TASP1: variants seen among roughly 807,000 people sequenced by gnomAD.
TASP1 encodes threonine aspartase 1.
A neutral mutation model predicts 56.6 loss-of-function variants in TASP1; 16 were observed. That is an observed-to-expected ratio of 0.28 (90% confidence interval 0.19 to 0.43). The LOEUF (loss-of-function observed/expected upper bound fraction) is 0.43, where lower values mean the gene tolerates loss of function less well. Ranked by LOEUF, TASP1 falls within the 20% of genes least tolerant of loss-of-function variation. TASP1 has a pLI of 1.00. For missense variants in TASP1, 393 were observed against 511.6 expected, an observed-to-expected ratio of 0.77 and a Z score of 2.24; for synonymous variants, 179 against 184.2, an observed-to-expected ratio of 0.97 and a Z score of 0.23.
intron 13 of TASP1, among the ~76,000 whole-genome samples, chr20:13,400,450 TG>T (rs906890388): frequency 6.6e-6 from 1 of 152,128 alleles, no homozygotes. Context: ...AAAGAATTAT[TG>T]GGGTTCTAAT....
intron 11 of TASP1, among the ~76,000 whole-genome samples, chr20:13,448,662 G>C (rs77664663): frequency 6.6e-6 from 1 of 152,016 alleles, no homozygotes; most frequent in Non-Finnish European, 1.5e-5. Flanking sequence ...AATTTAAAAG[G>C]ATCGCTTATG....
intron 11 of TASP1, among the ~76,000 whole-genome samples, chr20:13,478,201 T>C (rs2043009381): frequency 6.6e-6 from 1 of 152,090 alleles, no homozygotes; most frequent in African/African-American, 2.4e-5. Flanking sequence ...CCGCAATTAT[T>C]TTTGCACCAA....
At chr20:13,402,936 T>C (rs1359503243) in intron 13 of TASP1, among the ~76,000 whole-genome samples, 1 of 152,196 alleles carries the variant, frequency 6.6e-6, no homozygotes. Context: ...ATATTCTCCC[T>C]TCTTCTTTCA....
At chr20:13,407,162 T>C (rs2041956368) in intron 13 of TASP1, among the ~76,000 whole-genome samples, 1 of 152,224 alleles carries the variant, frequency 6.6e-6, no homozygotes, top group Admixed American at 6.5e-5. Flanking sequence ...TTTTAATATA[T>C]TTGCAAAATG....
rs530832254 is a variant in TASP1, at chr20:13,469,461, ATTCC to A, written c.985+13762_985+13765del. Among the ~76,000 whole-genome samples the A allele has an allele frequency of 4.6e-5, 7 of 152,306 alleles. 1 individual carries two copies. The South Asian group carries it at 1.5e-3, about 32-fold the overall frequency. ...TGCTGCCAGCTACCCATTTCCACTGATTCCAGTAAGTCCATCTTATTAGTCTGCT... is the reference window on the plus strand; with the variant it reads ...TGCTGCCAGCTACCCATTTCCACTGAAGTAAGTCCATCTTATTAGTCTGCT... On this transcript the variant is annotated intron_variant, in intron 11 of 13. Coordinates refer to ENST00000337743, the MANE Select transcript of TASP1 (RefSeq NM_017714.3).
chr20:13,596,218 C>CA (rs947042249), intron 4 of TASP1, among the ~76,000 whole-genome samples: 2 of 151,756 alleles, frequency 1.3e-5, no homozygotes, highest in African/African-American at 2.4e-5. Flanking sequence ...ACTAAAAATA[C>CA]AAAAAAACTA....
At chr20:13,220,112 G>C in the TASP1 span, among the ~76,000 whole-genome samples, 1 of 152,172 alleles carries the variant, frequency 6.6e-6, no homozygotes, top group Non-Finnish European at 1.5e-5. Flanking sequence ...GCGTGGACTA[G>C]GTCTTGGCTC....
intron 11 of TASP1, among the ~76,000 whole-genome samples, chr20:13,459,826 A>C (rs1168137790): frequency 6.6e-6 from 1 of 152,098 alleles, no homozygotes; most frequent in Non-Finnish European, 1.5e-5. Context: ...CCTGTTGACT[A>C]GGTCTACTGC....
At chr20:13,597,767 G>A (rs556946939) in intron 4 of TASP1, among the ~76,000 whole-genome samples, 79 of 152,276 alleles carry the variant, frequency 5.2e-4, no homozygotes, top group African/African-American at 1.8e-3. Flanking sequence ...TGACATGATT[G>A]TATATTTAGA....
At chr20:13,433,885 G>A (rs1269492952) in intron 12 of TASP1, among the ~76,000 whole-genome samples, 3 of 147,224 alleles carry the variant, frequency 2.0e-5, no homozygotes, top group Non-Finnish European at 4.5e-5. Flanking sequence ...AATACACTGA[G>A]CTATCACCAT....
At chr20:13,321,530 A>G in the TASP1 span, among the ~76,000 whole-genome samples, 5 of 152,132 alleles carry the variant, frequency 3.3e-5, no homozygotes, top group Non-Finnish European at 7.3e-5. Context: ...CTGCAAGGTA[A>G]ACATAATCCT....
At chr20:13,526,210 TCA>T (rs1204249419) in intron 10 of TASP1, among the ~76,000 whole-genome samples, 5 of 152,082 alleles carry the variant, frequency 3.3e-5, no homozygotes, top group South Asian at 2.1e-4. Context: ...ATTGACACAA[TCA>T]GGCAGGCTCT....
intron 7 of TASP1, 91 bp from the exon 8 acceptor site, chr20:13,559,205 A>C: frequency 1.4e-6 from 1 of 733,640 alleles, no homozygotes; most frequent in Non-Finnish European, 2.0e-6. Context: ...CCTTCCCAGA[A>C]GAAAATCCTT....
At chr20:13,415,065 G>C (rs766267010) in intron 13 of TASP1, among the ~76,000 whole-genome samples, 5 of 152,118 alleles carry the variant, frequency 3.3e-5, no homozygotes, top group Non-Finnish European at 7.4e-5. Context: ...AAGGGCACAA[G>C]TGTTTTAACT....
At chr20:13,131,669 A>T in the TASP1 span, among the ~76,000 whole-genome samples, 1 of 152,132 alleles carries the variant, frequency 6.6e-6, no homozygotes. Context: ...CACACAGCCA[A>T]CACTCTCTCT....
At chr20:13,131,777 T>G in the TASP1 span, among the ~76,000 whole-genome samples, 1 of 152,166 alleles carries the variant, frequency 6.6e-6, no homozygotes, top group Admixed American at 6.5e-5. Flanking sequence ...GAAGCCAAAA[T>G]TATCTTTTTT....
chr20:13,445,617 T>A (rs549682131), intron 11 of TASP1, among the ~76,000 whole-genome samples: 1 of 152,124 alleles, frequency 6.6e-6, no homozygotes, highest in Non-Finnish European at 1.5e-5. Context: ...GGCCTAGGTT[T>A]TCAGCCCTAG....
intron 13 of TASP1, among the ~76,000 whole-genome samples, chr20:13,398,461 G>A (rs1445499518): frequency 1.3e-5 from 2 of 152,006 alleles, no homozygotes; most frequent in East Asian, 3.9e-4. Flanking sequence ...CTTAGAGCCA[G>A]ACAGGCACAT....
chr20:13,172,642 C>T, the TASP1 span, among the ~76,000 whole-genome samples: 1 of 152,084 alleles, frequency 6.6e-6, no homozygotes, highest in African/African-American at 2.4e-5. Context: ...GCACTGCCTT[C>T]AGAATTCATA....
Sources: gnomAD v4.1 joint callset for allele counts (sites outside exome capture counted in the v4.1 genomes callset) on GRCh38, gnomAD v4.1.1 for gene constraint, MANE v1.5 for transcripts, NCBI Gene and HGNC (gene_info 2026-07-23, HGNC 2026-07-21) for gene names.